NAAA: variants seen among roughly 807,000 people sequenced by gnomAD.
The protein encoded by NAAA is N-acylethanolamine acid amidase.
In NAAA, 39 loss-of-function variants were observed where a neutral mutation model predicts 44.8. The ratio of observed to expected loss-of-function variants is 0.87; its 90% CI spans 0.67 to 1.14. The LOEUF is 1.14. Among genes scored for constraint, NAAA ranks in the 50% most tolerant of loss-of-function variants. The pLI is 0.00. For missense variants in NAAA, 460 were observed against 467.8 expected (o/e 0.98, Z 0.15); for synonymous variants, 178 against 191.3 (o/e 0.93, Z 0.58).
chr4:75,924,874 C>T (rs984334468), intron 5 of NAAA, among the ~76,000 whole-genome samples: 3 of 152,170 alleles, frequency 2.0e-5, no homozygotes, highest in African/African-American at 7.2e-5. Context: ...GACTAGTCCC[C>T]CTTAAAGTGC....
intron 4 of NAAA, among the ~76,000 whole-genome samples, chr4:75,929,405 G>T (rs115387714): frequency 3.3e-5 from 5 of 151,642 alleles, no homozygotes; most frequent in Non-Finnish European, 7.4e-5. Context: ...AGCCTCCCAC[G>T]TAGCTGGGAC....
intron 8 of NAAA, 25 bp downstream of exon 8, chr4:75,919,884 T>C (rs1264972655): frequency 1.3e-6 from 2 of 1,593,664 alleles, no homozygotes; most frequent in Admixed American, 3.3e-5. Context: ...ATCCTAGGTA[T>C]GCAGGACACT....
At chr4:75,935,608 A>T (rs904034285) in intron 3 of NAAA, 1 of 155,532 alleles carries the variant, frequency 6.4e-6, no homozygotes, top group African/African-American at 2.4e-5. Context: ...AACATTTATA[A>T]CTATCGCAGT....
chr4:75,937,330 A>T (rs1454526716), intron 2 of NAAA, among the ~76,000 whole-genome samples: 1 of 152,186 alleles, frequency 6.6e-6, no homozygotes, highest in African/African-American at 2.4e-5. Flanking sequence ...GAGGCAGGAA[A>T]ATCGCTTGAA....
At chr4:75,926,261 G>A (rs6841837) in intron 4 of NAAA, among the ~76,000 whole-genome samples, 44,716 of 151,900 alleles carry the variant, frequency 0.29, 6,778 homozygotes, top group East Asian at 0.43. Flanking sequence ...AAAATTCTGC[G>A]CATTAAAAGA....
At position 75,921,025 on chromosome 4, in the gene NAAA, G is replaced by A; in HGVS notation, c.765C>T (p.Pro255=). 6.2e-7 allele frequency: 1 copy of A among 1,608,832 alleles called. No individual in the cohort carries two copies. Among genetic ancestry groups the A allele is most frequent in the Non-Finnish European group, 8.5e-7 (1 of 1,178,898 alleles). The change falls in exon 6 of 11, where the codon CCC becomes CCT. Residue 255 remains proline, a synonymous_variant. Coordinates refer to ENST00000286733, the MANE Select transcript of NAAA (RefSeq NM_014435.4). ...TCCTCGTGATGACCACCCCCTCCCG[G>A]GGGGACGTGCCACCAACAATGTAAT... The part of the protein sequence containing the change: ...DVYYIVGGTS[P]REGVVITRNR...
downstream of NAAA, among the ~76,000 whole-genome samples, chr4:75,913,260 C>T (rs1725403423): frequency 6.6e-6 from 1 of 151,938 alleles, no homozygotes. Context: ...CCATTTGCCT[C>T]ACTGTCTACC....
At chr4:75,916,630 C>T (rs1725645854) in intron 9 of NAAA, 1 of 152,032 alleles carries the variant, frequency 6.6e-6, no homozygotes, top group Non-Finnish European at 1.5e-5. Context: ...CTGGAGAATG[C>T]TTAACTCAAT....
downstream of NAAA, among the ~76,000 whole-genome samples, chr4:75,911,815 C>T (rs892055950): frequency 5.3e-5 from 8 of 152,212 alleles, no homozygotes; most frequent in African/African-American, 7.2e-5. Flanking sequence ...TAGCAGAATT[C>T]GGGTTCTTCC....
chr4:75,921,610 G>T (rs947867931), intron 5 of NAAA, among the ~76,000 whole-genome samples: 1 of 152,170 alleles, frequency 6.6e-6, no homozygotes, highest in Non-Finnish European at 1.5e-5. Context: ...GTTCACATAG[G>T]AGAATAAGAT....
At position 75,939,511 on chromosome 4, in the gene NAAA, G is replaced by A. The variant is rs371742773; in HGVS notation, c.371+490C>T. ...GCTCGCTGCAACCTCCGCCTCCCGG[G>A]TTCAAGTGATTCTCCTGCCTCAACC... On this transcript the variant is annotated intron_variant, in intron 2 of 10. Coordinates refer to ENST00000286733, the MANE Select transcript of NAAA (RefSeq NM_014435.4). Among the ~76,000 whole-genome samples, 68 of 151,698 alleles carry A rather than the reference G, an allele frequency of 4.5e-4. No individual in the cohort carries two copies. In the East Asian group the frequency reaches 7.8e-3, roughly 17 times the overall value.
At chr4:75,912,723 G>A (rs569229436), downstream of NAAA, among the ~76,000 whole-genome samples, 3 of 152,120 alleles carry the variant, frequency 2.0e-5, no homozygotes, top group Admixed American at 6.5e-5. Context: ...GCAGTGGGCC[G>A]AGATTGCACC....
intron 8 of NAAA, 61 bp downstream of exon 8, chr4:75,919,848 T>C (rs758503823): frequency 1.4e-6 from 2 of 1,444,204 alleles, no homozygotes; most frequent in Non-Finnish European, 1.9e-6. Flanking sequence ...GAGTTTTTCA[T>C]ATTCACTATT....
chr4:75,926,213 A>C (rs147101432), intron 4 of NAAA, among the ~76,000 whole-genome samples: 11 of 152,336 alleles, frequency 7.2e-5, no homozygotes, highest in Non-Finnish European at 8.8e-5. Flanking sequence ...TGGCAATATA[A>C]GAAAAAAATG....
At chr4:75,922,092 T>G (rs962430997) in intron 5 of NAAA, among the ~76,000 whole-genome samples, 1 of 152,140 alleles carries the variant, frequency 6.6e-6, no homozygotes, top group Non-Finnish European at 1.5e-5. Flanking sequence ...CAGGGCACAT[T>G]GTCAAGGGTG....
At chr4:75,940,202 A>G in intron 1 of NAAA, 37 bp from the exon 2 acceptor site, 1 of 1,595,444 alleles carries the variant, frequency 6.3e-7, no homozygotes, top group Non-Finnish European at 8.6e-7. Context: ...TGACCCGCTC[A>G]GAGGTCGGCG....
rs1262020949 is a variant in NAAA, at chr4:75,914,068, T to C, written c.*307A>G. ...AAGATGGAAATAAGGCCTGAGGATA[T>C]GGCTTGATCTCTGAGACCAATTATC... On this transcript the variant is annotated 3_prime_UTR_variant, in exon 11 of 11. Transcript: ENST00000286733. 3.0e-6 allele frequency: 3 copies of C among 985,460 alleles called. No individual in the cohort carries two copies. Among genetic ancestry groups the C allele is most frequent in the East Asian group, 1.1e-4 (1 of 8,814 alleles). The allele number at this position is 985,460 out of a possible 1,614,324, so 61.0% of individuals were successfully genotyped here. A position where few individuals can be genotyped will look rare whatever the true frequency, so the allele number is the denominator to read the frequency against.
chr4:75,931,862 G>C (rs1332530524), intron 3 of NAAA, among the ~76,000 whole-genome samples: 3 of 152,132 alleles, frequency 2.0e-5, no homozygotes, highest in Non-Finnish European at 4.4e-5. Context: ...TTATAAAACA[G>C]TATTCACCAA....
chr4:75,938,133 G>A (rs906993863), intron 2 of NAAA, among the ~76,000 whole-genome samples: 1 of 152,094 alleles, frequency 6.6e-6, no homozygotes, highest in Non-Finnish European at 1.5e-5. Context: ...CTTCCCCACG[G>A]GACTGTGTTC....
Sources: gnomAD v4.1 joint callset for allele counts (sites outside exome capture counted in the v4.1 genomes callset) on GRCh38, gnomAD v4.1.1 for gene constraint, MANE v1.5 for transcripts, NCBI Gene and HGNC (gene_info 2026-07-23, HGNC 2026-07-21) for gene names.